The following USP24 variants were observed in gnomAD, a reference collection of about 807,000 sequenced individuals.
USP24 encodes ubiquitin specific peptidase 24, also known as ubiquitin carboxyl-terminal hydrolase 24.
In USP24, 97 loss-of-function variants were observed where a neutral mutation model predicts 361.6. That is an observed-to-expected ratio of 0.27 (90% CI 0.23 to 0.32). USP24 has a LOEUF of 0.32. Among genes scored for constraint, USP24 ranks in the 10% least tolerant of loss-of-function variants. USP24 has a pLI of 1.00. For missense variants in USP24, 2,353 were observed against 3,165.6 expected (o/e 0.74, Z 6.16); for synonymous variants, 1,098 against 1,124.6 (o/e 0.98, Z 0.47).
At position 55,201,158 on chromosome 1, in the gene USP24, A is replaced by T. The variant is rs139904602; in HGVS notation, c.324+13632T>A. Among the ~76,000 whole-genome samples the T allele has an allele frequency of 2.5e-3, 383 of 152,354 alleles. 3 individuals are homozygous for T. The highest frequency in any genetic ancestry group is 0.018 in the South Asian group (88 of 4,832). Reference sequence around the variant, plus strand: ...TAGGCAAAAGTAGATTTAAGAGACTATTTGAGAAGCATGAATGGGGGAAAT... The same window carrying T: ...TAGGCAAAAGTAGATTTAAGAGACTTTTTGAGAAGCATGAATGGGGGAAAT... On this transcript the variant is annotated intron_variant, in intron 1 of 67. Coordinates refer to ENST00000294383, the MANE Select transcript of USP24 (RefSeq NM_015306.3).
chr1:55,083,383 A>G lies in USP24; in HGVS notation c.6883-19T>C. 6.2e-7 allele frequency: 1 copy of G among 1,611,880 alleles called. No homozygotes were observed. Among genetic ancestry groups the G allele is most frequent in the Non-Finnish European group, 8.5e-7 (1 of 1,178,786 alleles). On this transcript the variant is annotated intron_variant, in intron 57 of 67. Transcript: ENST00000294383. ...TTCCTTGCTGTCACAAGATATTGAGAATAACAAATTATATTTCTATCCAGA... is the reference window on the plus strand; with the variant it reads ...TTCCTTGCTGTCACAAGATATTGAGGATAACAAATTATATTTCTATCCAGA...
At chr1:55,096,087 T>C (rs1323513113) in intron 50 of USP24, among the ~76,000 whole-genome samples, 3 of 152,196 alleles carry the variant, frequency 2.0e-5, no homozygotes, top group Non-Finnish European at 4.4e-5. Flanking sequence ...ATAAATATGG[T>C]TTTAAAAACA....
At chr1:55,084,724 CG>C (rs776426874) in intron 56 of USP24, among the ~76,000 whole-genome samples, 1 of 152,016 alleles carries the variant, frequency 6.6e-6, no homozygotes, top group South Asian at 2.1e-4. Context: ...TTTCCATTTA[CG>C]GGGGGAGGGG....
At chr1:55,078,745 T>G (rs1345896899) in intron 60 of USP24, 94 bp from the exon 61 acceptor site, 4 of 919,134 alleles carry the variant, frequency 4.4e-6, no homozygotes, top group Non-Finnish European at 6.4e-6. Context: ...ACCCAGATTT[T>G]AAGATAATTA....
chr1:55,165,618 A>G (rs1205430472), intron 7 of USP24, among the ~76,000 whole-genome samples: 1 of 152,180 alleles, frequency 6.6e-6, no homozygotes, highest in Non-Finnish European at 1.5e-5. Flanking sequence ...AACTTTAAAC[A>G]GTAAGATAAT....
In USP24 at chr1:55,112,423, T is replaced by C. The variant is rs187390531; in HGVS notation, c.4509-2177A>G. 5.5e-3 allele frequency among the ~76,000 whole-genome samples: 838 copies of C among 152,338 alleles called. 3 individuals carry two copies. Among genetic ancestry groups the C allele is most frequent in the Non-Finnish European group, 9.0e-3 (615 of 68,020 alleles). ...CCTGTGGGCATTTAGTGCTATAAATTTGCCTCTAAACATTGCTTTAGCTGT... is the reference window on the plus strand; with the variant it reads ...CCTGTGGGCATTTAGTGCTATAAATCTGCCTCTAAACATTGCTTTAGCTGT... On this transcript the variant is annotated intron_variant, in intron 38 of 67. Transcript: ENST00000294383.
intron 42 of USP24, 27 bp from the exon 43 acceptor site, chr1:55,101,730 AGAG>A (rs1645638968): frequency 1.3e-6 from 2 of 1,571,146 alleles, no homozygotes; most frequent in Admixed American, 4.0e-5. Context: ...TAGAAACAGC[AGAG>A]GAGAAGAATG....
At chr1:55,188,693 T>G (rs1644200560) in intron 1 of USP24, among the ~76,000 whole-genome samples, 2 of 151,932 alleles carry the variant, frequency 1.3e-5, no homozygotes, top group African/African-American at 2.4e-5. Flanking sequence ...GCATGGTGGG[T>G]CACACCTGTA....
At chr1:55,184,595 T>G (rs969542332) in intron 1 of USP24, among the ~76,000 whole-genome samples, 1 of 152,200 alleles carries the variant, frequency 6.6e-6, no homozygotes, top group East Asian at 1.9e-4. Context: ...CTAAAACACA[T>G]TTACAGAACT....
At position 55,172,372 on chromosome 1, in the gene USP24, T is replaced by C; in HGVS notation, c.702+5A>G. The C allele has an allele frequency of 6.2e-7, 1 of 1,606,540 alleles. No homozygotes were observed. On this transcript the variant is annotated splice_donor_5th_base_variant and intron_variant, in intron 4 of 67. Coordinates refer to ENST00000294383, the MANE Select transcript of USP24 (RefSeq NM_015306.3). ...ACAAAGTACTTAATTTTAGAGATACTATACCATTGTAAGCACACCCAGGAG... is the reference window on the plus strand; with the variant it reads ...ACAAAGTACTTAATTTTAGAGATACCATACCATTGTAAGCACACCCAGGAG...
At chr1:55,205,155 C>T (rs1397090038) in intron 1 of USP24, among the ~76,000 whole-genome samples, 1 of 152,162 alleles carries the variant, frequency 6.6e-6, no homozygotes, top group African/African-American at 2.4e-5. Flanking sequence ...GTTTCCATTC[C>T]ATCCCTTTGG....
At chr1:55,178,197 T>C in intron 1 of USP24, 65 bp from the exon 2 acceptor site, 1 of 1,523,694 alleles carries the variant, frequency 6.6e-7, no homozygotes, top group Middle Eastern at 1.8e-4. Context: ...AAAAATTTCC[T>C]ATGTAACACA....
chr1:55,199,852 A>G (rs1485905021), intron 1 of USP24, among the ~76,000 whole-genome samples: 1 of 152,178 alleles, frequency 6.6e-6, no homozygotes, highest in Non-Finnish European at 1.5e-5. Context: ...TTTGCAAAAG[A>G]AGGAGGTTTA....
intron 31 of USP24, 119 bp downstream of exon 31, chr1:55,132,426 T>C (rs1211126862): frequency 1.6e-6 from 2 of 1,240,050 alleles, no homozygotes; most frequent in African/African-American, 1.5e-5. Context: ...TTAAAACTAA[T>C]TTTCAACCAA....
chr1:55,143,553 T>C (rs1646947209), intron 21 of USP24, among the ~76,000 whole-genome samples: 2 of 152,148 alleles, frequency 1.3e-5, no homozygotes, highest in Non-Finnish European at 2.9e-5. Context: ...ACCCAGGGCT[T>C]GTAAAATCTT....
intron 40 of USP24, 93 bp from the exon 41 acceptor site, chr1:55,106,356 C>T: frequency 1.2e-6 from 1 of 828,418 alleles, no homozygotes; most frequent in Admixed American, 2.5e-5. Flanking sequence ...AGCAAAGGTA[C>T]CCAATGCCAC....
At chr1:55,103,569 G>C (rs1400499522) in intron 42 of USP24, among the ~76,000 whole-genome samples, 2 of 152,076 alleles carry the variant, frequency 1.3e-5, no homozygotes, top group Non-Finnish European at 2.9e-5. Context: ...GTATCTCTAG[G>C]GTCTGGCCTA....
intron 4 of USP24, among the ~76,000 whole-genome samples, 158 bp downstream of exon 4, chr1:55,172,219 G>A (rs1195169111): frequency 6.6e-6 from 1 of 152,136 alleles, no homozygotes; most frequent in African/African-American, 2.4e-5. Context: ...GAGAACACAA[G>A]ATGGTTGCTC....
chr1:55,153,698 C>T (rs1348723944), intron 16 of USP24, among the ~76,000 whole-genome samples, 172 bp downstream of exon 16: 2 of 151,916 alleles, frequency 1.3e-5, no homozygotes, highest in African/African-American at 4.8e-5. Context: ...AGAGCACCTC[C>T]CAAGCTTTAA....
Sources: gnomAD v4.1 joint callset for allele counts (sites outside exome capture counted in the v4.1 genomes callset) on GRCh38, gnomAD v4.1.1 for gene constraint, MANE v1.5 for transcripts, NCBI Gene and HGNC (gene_info 2026-07-23, HGNC 2026-07-21) for gene names.